Variants in TMEM135 observed in about 807,000 individuals in gnomAD.
TMEM135 encodes transmembrane protein 135, also known as peroxisomal membrane protein 52.
In TMEM135, 30 loss-of-function variants were observed where a neutral mutation model predicts 60.3. The observed-to-expected ratio is 0.50, with a 90% CI of 0.37 to 0.68. TMEM135 has a LOEUF of 0.68. Ranked by LOEUF, TMEM135 falls within the 30% of genes least tolerant of loss-of-function variation. The probability of loss-of-function intolerance (pLI) is 0.00; values close to 1 mark genes in which losing one functional copy is unlikely to be tolerated. For synonymous variants in TMEM135, 190 were observed against 186.7 expected (o/e 1.02, Z -0.14); for missense variants, 468 against 548.8 (o/e 0.85, Z 1.47).
chr11:87,260,845 C>G (rs1941637605), intron 6 of TMEM135, among the ~76,000 whole-genome samples: 3 of 151,992 alleles, frequency 2.0e-5, no homozygotes, highest in Middle Eastern at 6.8e-3. Flanking sequence ...AAGCAGTTCC[C>G]AAACTTTAAC....
intron 5 of TMEM135, among the ~76,000 whole-genome samples, chr11:87,201,284 T>C (rs1472211551): frequency 6.6e-6 from 1 of 152,200 alleles, no homozygotes. Context: ...TAATTTTAAG[T>C]ACAACTTAAT....
At chr11:87,285,488 C>G (rs918260989) in intron 6 of TMEM135, among the ~76,000 whole-genome samples, 6 of 152,144 alleles carry the variant, frequency 3.9e-5, no homozygotes, top group African/African-American at 1.4e-4. Context: ...AGGAGTGTAG[C>G]TGCAGACCTT....
intron 4 of TMEM135, among the ~76,000 whole-genome samples, chr11:87,120,110 C>CTTTTTTTTTTTTT (rs770897413): frequency 3.8e-5 from 5 of 130,908 alleles, no homozygotes; most frequent in African/African-American, 8.5e-5. Flanking sequence ...TTTTTTTCTT[C>CTTTTTTTTTTTTT]TTCTTCTTTT....
intron 6 of TMEM135, among the ~76,000 whole-genome samples, chr11:87,287,345 A>G (rs1208916468): frequency 6.6e-6 from 1 of 152,214 alleles, no homozygotes; most frequent in African/African-American, 2.4e-5. Context: ...TTAATGAGTA[A>G]AAGAAGGACT....
chr11:87,256,140 T>C (rs1052896764), intron 6 of TMEM135, among the ~76,000 whole-genome samples: 3 of 152,184 alleles, frequency 2.0e-5, no homozygotes, highest in African/African-American at 7.2e-5. Flanking sequence ...TTTGAAGTTA[T>C]AAACTTATTT....
chr11:87,245,321 T>C (rs555482345), intron 6 of TMEM135, among the ~76,000 whole-genome samples: 126 of 137,694 alleles, frequency 9.2e-4, no homozygotes, highest in African/African-American at 3.4e-3. Context: ...AAAAAATATA[T>C]ATTCTGTTGA....
At chr11:87,058,993 A>G (rs1016870637) in intron 1 of TMEM135, among the ~76,000 whole-genome samples, 11 of 151,420 alleles carry the variant, frequency 7.3e-5, no homozygotes, top group African/African-American at 1.9e-4. Flanking sequence ...GCTGGAGTAC[A>G]GTGGTGCAAT....
At chr11:87,188,710 A>AG (rs1939714505) in intron 5 of TMEM135, among the ~76,000 whole-genome samples, 1 of 151,696 alleles carries the variant, frequency 6.6e-6, no homozygotes, top group Non-Finnish European at 1.5e-5. Flanking sequence ...GTCTCAAAAA[A>AG]AAAAAAATTA....
At chr11:87,043,115 C>T (rs1050306274) in intron 1 of TMEM135, among the ~76,000 whole-genome samples, 2 of 151,472 alleles carry the variant, frequency 1.3e-5, no homozygotes, top group Non-Finnish European at 2.9e-5. Context: ...ACCACCACGC[C>T]CGGCTAATTT....
chr11:87,047,675 A>G (rs371221661), intron 1 of TMEM135, among the ~76,000 whole-genome samples: 3 of 120,520 alleles, frequency 2.5e-5, no homozygotes, highest in African/African-American at 6.9e-5. Flanking sequence ...CACCCACGGA[A>G]TCTCGCTGAT....
chr11:87,158,462 T>TC (rs1938766169), intron 5 of TMEM135, among the ~76,000 whole-genome samples: 1 of 124,666 alleles, frequency 8.0e-6, no homozygotes, highest in South Asian at 2.8e-4. Flanking sequence ...CACCTTGGTA[T>TC]AATTTTTTTT....
In TMEM135 at chr11:87,318,175, C is replaced by A. The variant is rs1565170078; in HGVS notation, c.1116C>A (p.Pro372=). ...AAGGCATTGAAGCAGGGAAGGTTCCCTATTTTCCTCATGCAGATACTATCA... is the reference window on the plus strand; with the variant it reads ...AAGGCATTGAAGCAGGGAAGGTTCCATATTTTCCTCATGCAGATACTATCA... ...YFKGIEAGKV[P]YFPHADTIIY... is the part of the protein sequence containing the mutation. The change falls in exon 13 of 15, where the codon CCC becomes CCA. Residue 372 remains proline (P), a synonymous_variant. Coordinates refer to ENST00000305494, the MANE Select transcript of TMEM135 (RefSeq NM_022918.4). 1 of 1,612,854 alleles carries A rather than the reference C, an allele frequency of 6.2e-7. No homozygotes were observed.
At chr11:87,314,431 C>T in intron 11 of TMEM135, 40 bp from the exon 12 acceptor site, 1 of 1,511,862 alleles carries the variant, frequency 6.6e-7, no homozygotes, top group African/African-American at 1.4e-5. Context: ...CAAATAAATA[C>T]TCTGCGATCT....
chr11:87,094,005 T>C (rs1488484503), intron 4 of TMEM135, among the ~76,000 whole-genome samples: 1 of 152,206 alleles, frequency 6.6e-6, no homozygotes, highest in Non-Finnish European at 1.5e-5. Context: ...TTTTCCTTCA[T>C]ATATTGGTTA....
At chr11:87,157,069 C>CTTTTTT in intron 4 of TMEM135, among the ~76,000 whole-genome samples, 1 of 122,400 alleles carries the variant, frequency 8.2e-6, no homozygotes. Flanking sequence ...TTCTTTCTTT[C>CTTTTTT]TTTTGTTTTT....
intron 6 of TMEM135, among the ~76,000 whole-genome samples, chr11:87,286,515 C>A (rs116959108): frequency 6.6e-6 from 1 of 152,246 alleles, no homozygotes; most frequent in African/African-American, 2.4e-5. Flanking sequence ...CCGTGCTGCG[C>A]GCCTGCACTA....
In TMEM135 at chr11:87,276,504, TTATA is replaced by T. The variant is rs143131982; in HGVS notation, c.510-19263_510-19260del. On this transcript the variant is annotated intron_variant, in intron 6 of 14. Coordinates refer to ENST00000305494, the MANE Select transcript of TMEM135 (RefSeq NM_022918.4). ...ACTCTAGTACATTACTATCAAAAGT[TTATA>T]TATATATATATATACACACACATAT... Among the ~76,000 whole-genome samples, 435 of 148,916 alleles carry T rather than the reference TTATA, an allele frequency of 2.9e-3. 3 individuals carry two copies. The highest frequency in any genetic ancestry group is 9.5e-3 in the African/African-American group (384 of 40,630).
chr11:87,252,976 T>A (rs1941450374), intron 6 of TMEM135, among the ~76,000 whole-genome samples: 1 of 152,062 alleles, frequency 6.6e-6, no homozygotes, highest in African/African-American at 2.4e-5. Context: ...GTATTGAGAT[T>A]GTTAGGAGTG....
intron 4 of TMEM135, among the ~76,000 whole-genome samples, chr11:87,141,114 A>G (rs1045936499): frequency 2.2e-4 from 34 of 151,140 alleles, no homozygotes; most frequent in African/African-American, 7.5e-4. Context: ...TTATACTCAG[A>G]TTGTCATTTT....
Sources: allele counts gnomAD v4.1 joint callset (sites outside exome capture counted in the v4.1 genomes callset), GRCh38; gene constraint gnomAD v4.1.1; transcripts MANE v1.5; gene names NCBI Gene and HGNC (gene_info 2026-07-23, HGNC 2026-07-21).